ZC3H4: variants seen among roughly 807,000 people sequenced by gnomAD.
ZC3H4 encodes the protein zinc finger CCCH-type containing 4, also known as zinc finger CCCH domain-containing protein 4.
In ZC3H4, 13 loss-of-function variants were observed where a neutral mutation model predicts 108.3. The observed-to-expected ratio is 0.12, with a 90% CI of 0.08 to 0.19. The LOEUF is 0.19. ZC3H4 is among the 10% of genes least tolerant of loss of function. The pLI is 1.00. For synonymous variants in ZC3H4, 917 were observed against 749.6 expected (o/e 1.22, Z -3.65); for missense variants, 1,734 against 1,838.8 (o/e 0.94, Z 1.04).
In ZC3H4 at chr19:47,094,478, TCTC is replaced by T. The variant is rs748255221; in HGVS notation, c.289_291del (p.Glu97del). 44 of 1,614,062 alleles carry T rather than the reference TCTC, an allele frequency of 2.7e-5. No homozygotes were observed. The highest frequency in any genetic ancestry group is 3.4e-5 in the Non-Finnish European group (40 of 1,180,032). ...TTCCGCTTCAGTCTCCTGTGGGACT[TCTC>T]CTCATCCGAATCACTGTGATGCTTC... On this transcript the variant is annotated inframe_deletion, in exon 3 of 15. Transcript: ENST00000253048.
intron 4 of ZC3H4, among the ~76,000 whole-genome samples, chr19:47,091,498 C>T (rs1020378634): frequency 2.0e-5 from 3 of 151,474 alleles, no homozygotes; most frequent in African/African-American, 4.9e-5. Context: ...CACTTGAACC[C>T]GGGAGGCAGA....
intron 11 of ZC3H4, among the ~76,000 whole-genome samples, chr19:47,078,420 G>A (rs2057460340): frequency 6.6e-6 from 1 of 151,370 alleles, no homozygotes; most frequent in South Asian, 2.1e-4. Flanking sequence ...GGAGGCGGAG[G>A]TTGCAGTGAG....
At chr19:47,074,550 T>C (rs1007389556) in intron 11 of ZC3H4, among the ~76,000 whole-genome samples, 2 of 152,200 alleles carry the variant, frequency 1.3e-5, no homozygotes, top group Non-Finnish European at 2.9e-5. Context: ...CCTCGGCTGG[T>C]GTCTGGGAAG....
At chr19:47,083,038 T>C (rs2057551439) in intron 9 of ZC3H4, among the ~76,000 whole-genome samples, 4 of 152,136 alleles carry the variant, frequency 2.6e-5, no homozygotes, top group African/African-American at 9.7e-5. Flanking sequence ...CCTATTCATT[T>C]GTCTTAATTT....
rs1440545213 is a variant in ZC3H4, at chr19:47,072,917, G to A, written c.1441-204C>T. ...CACTCTCGGGGACCAGCTGGTAGAG[G>A]GGGGGCCATTCCTGCTCTATGGCAA... is the stretch of plus-strand genomic sequence containing the variant. On this transcript the variant is annotated intron_variant, in intron 11 of 14. Transcript: ENST00000253048. The surrounding 1 kb of genome is among the most constrained non-coding windows in gnomAD (Gnocchi z 5.6). 1.3e-5 allele frequency among the ~76,000 whole-genome samples: 2 copies of A among 152,148 alleles called. No individual in the cohort carries two copies. The highest frequency in any genetic ancestry group is 6.5e-5 in the Admixed American group (1 of 15,274).
intron 9 of ZC3H4, among the ~76,000 whole-genome samples, chr19:47,083,534 G>A (rs1753681417): frequency 6.6e-6 from 1 of 152,022 alleles, no homozygotes; most frequent in Admixed American, 6.6e-5. Context: ...GCGAAACCCT[G>A]TCTCTACTAA....
At chr19:47,111,363 C>T (rs904774284) in intron 2 of ZC3H4, among the ~76,000 whole-genome samples, 1 of 152,144 alleles carries the variant, frequency 6.6e-6, no homozygotes, top group African/African-American at 2.4e-5. Context: ...GGGGGGCCCG[C>T]GTTTCGGACT....
chr19:47,078,452 T>C (rs1311939665), intron 11 of ZC3H4, among the ~76,000 whole-genome samples: 1 of 147,578 alleles, frequency 6.8e-6, no homozygotes, highest in African/African-American at 2.5e-5. Context: ...CCCACTGCAC[T>C]CCAGCCTGGC....
At chr19:47,081,064 T>G (rs2057513138) in intron 11 of ZC3H4, among the ~76,000 whole-genome samples, 1 of 152,086 alleles carries the variant, frequency 6.6e-6, no homozygotes, top group Non-Finnish European at 1.5e-5. Context: ...CCAGCCAATT[T>G]TTTTTAATTT....
Position 47,067,978 on chromosome 19 carries a change from G to T in ZC3H4, c.2399-109C>A. The T allele has an allele frequency of 9.2e-7, 1 of 1,090,590 alleles. No individual in the cohort carries two copies. Among genetic ancestry groups the T allele is most frequent in the Non-Finnish European group, 1.3e-6 (1 of 756,406 alleles). The allele number at this position is 1,090,590 out of a possible 1,614,324, so 67.6% of individuals were successfully genotyped here. On this transcript the variant is annotated intron_variant, in intron 14 of 14. Coordinates refer to ENST00000253048, the MANE Select transcript of ZC3H4 (RefSeq NM_015168.2). This position sits in a 1 kb window ranked among gnomAD's most constrained non-coding sequence, Gnocchi z 6.4. ...GCAGCTCCTTTGCTTGTGCCTCTCA[G>T]AACCTCAGGTCCTCCTCTCTAAGGC... is the stretch of plus-strand genomic sequence containing the variant.
intron 11 of ZC3H4, among the ~76,000 whole-genome samples, chr19:47,079,463 C>A (rs2057482034): frequency 6.6e-6 from 1 of 151,444 alleles, no homozygotes; most frequent in African/African-American, 2.4e-5. Flanking sequence ...GCAGCACTGG[C>A]CTGAAGCACA....
At chr19:47,112,038 C>A in intron 2 of ZC3H4, 2 of 818,924 alleles carry the variant, frequency 2.4e-6, no homozygotes, top group Non-Finnish European at 3.0e-6. Flanking sequence ...GCTGCCAGCT[C>A]CGGGCGCAGG....
Position 47,072,851 on chromosome 19 carries a change from T to C in ZC3H4, c.1441-138A>G. The C allele has an allele frequency of 2.1e-6, 2 of 969,682 alleles. No individual in the cohort carries two copies. Among genetic ancestry groups the C allele is most frequent in the East Asian group, 2.7e-5 (1 of 37,684 alleles). The allele number at this position is 969,682 out of a possible 1,614,324, so 60.1% of individuals were successfully genotyped here. ...AGATCTAAAGGCATAAAGACCACAA[T>C]GGCTCTGTAACAAAAATCATCATCA... On this transcript the variant is annotated intron_variant, in intron 11 of 14. Coordinates refer to ENST00000253048, the MANE Select transcript of ZC3H4 (RefSeq NM_015168.2). The surrounding 1 kb of genome is among the most constrained non-coding windows in gnomAD (Gnocchi z 5.6).
At chr19:47,071,428 C>T (rs1025628278) in intron 13 of ZC3H4, among the ~76,000 whole-genome samples, 1 of 152,114 alleles carries the variant, frequency 6.6e-6, no homozygotes, top group South Asian at 2.1e-4. Context: ...GAGAACTGCC[C>T]GGAAAGAGAT....
intron 2 of ZC3H4, among the ~76,000 whole-genome samples, chr19:47,099,185 C>A (rs187654235): frequency 6.6e-6 from 1 of 152,002 alleles, no homozygotes; most frequent in Non-Finnish European, 1.5e-5. Context: ...CAGGGCCGGG[C>A]GCGGTGGCTC....
At chr19:47,076,622 G>A (rs531448953) in intron 11 of ZC3H4, among the ~76,000 whole-genome samples, 2 of 152,088 alleles carry the variant, frequency 1.3e-5, no homozygotes, top group Non-Finnish European at 1.5e-5. Context: ...TTGGGAGGAC[G>A]AGGTAGGTGG....
intron 2 of ZC3H4, among the ~76,000 whole-genome samples, chr19:47,111,704 T>A (rs1247075451): frequency 6.7e-6 from 1 of 149,178 alleles, no homozygotes; most frequent in Non-Finnish European, 1.5e-5. Flanking sequence ...CCTCCCCAAT[T>A]CGGCCTTCTA....
chr19:47,075,976 A>T (rs1396884574), intron 11 of ZC3H4, among the ~76,000 whole-genome samples: 1 of 152,000 alleles, frequency 6.6e-6, no homozygotes, highest in African/African-American at 2.4e-5. Flanking sequence ...AGGTGCCAAA[A>T]CCTCTCTAGC....
rs1600040998 is a variant in ZC3H4 at position 47,082,261 on chromosome 19, A to G, written c.1253T>C (p.Leu418Pro). The change falls in exon 10 of 15, where the codon CTC (leucine) becomes CCC (proline). Residue 418 changes from leucine to proline, a missense_variant. Leu to Pro is a moderately conservative substitution (Grantham distance 98). This residue lies in a region of ZC3H4 where 66 missense variants were observed against 166.8 expected (regional missense o/e 0.40). Transcript: ENST00000253048. ...DHCNFSHDIELPKKRELCKFY... is the reference protein window; with the variant it reads ...DHCNFSHDIEPPKKRELCKFY... ...CTTGCACAGTTCTCGCTTCTTTGGG[A>G]GTTCGATGTCATGGCTAAAATTACA... 2 of 1,614,068 alleles carry G rather than the reference A, an allele frequency of 1.2e-6. No homozygotes were observed. The highest frequency in any genetic ancestry group is 1.7e-6 in the Non-Finnish European group (2 of 1,179,952).
Sources: gnomAD v4.1 joint callset for allele counts (sites outside exome capture counted in the v4.1 genomes callset) on GRCh38, gnomAD v4.1.1 for gene constraint, gnomAD v4.1.1 regional missense constraint, Gnocchi (gnomAD v3.1) non-coding constraint, MANE v1.5 for transcripts, NCBI Gene and HGNC (gene_info 2026-07-23, HGNC 2026-07-21) for gene names.